Variants in MED20 observed in about 807,000 individuals in gnomAD.
MED20 encodes the protein mediator of RNA polymerase II transcription subunit 20.
A neutral mutation model predicts 19.7 loss-of-function variants in MED20; 19 were observed. The observed-to-expected ratio is 0.96, with a 90% CI of 0.67 to 1.42. The LOEUF (loss-of-function observed/expected upper bound fraction) is 1.42, where lower values mean the gene tolerates loss of function less well. MED20 is among the 40% of genes most tolerant of loss of function. The pLI, the probability that MED20 is intolerant of heterozygous loss-of-function variation, is 0.00. For synonymous variants in MED20, 105 were observed against 104.8 expected, an observed-to-expected ratio of 1.00 and a Z score of -0.01; for missense variants, 225 against 273.0, an observed-to-expected ratio of 0.82 and a Z score of 1.24.
chr6:41,920,792 A>AC (rs937322173), intron 1 of MED20: 37 of 518,348 alleles, frequency 7.1e-5, no homozygotes, highest in Middle Eastern at 1.0e-3. Context: ...ACAAAACAAA[A>AC]AAAAAACCTT....
chr6:41,907,890 A>C (rs1014090756), intron 3 of MED20, among the ~76,000 whole-genome samples: 1 of 152,208 alleles, frequency 6.6e-6, no homozygotes, highest in Non-Finnish European at 1.5e-5. Flanking sequence ...AAGGAGAAAT[A>C]AGTAAAGAAA....
chr6:41,907,692 C>T (rs1255998193), intron 3 of MED20, among the ~76,000 whole-genome samples: 2 of 152,082 alleles, frequency 1.3e-5, no homozygotes, highest in East Asian at 3.8e-4. Context: ...AGAGTGGACA[C>T]ATATGCTCAT....
intron 2 of MED20, among the ~76,000 whole-genome samples, chr6:41,916,250 C>CA (rs1775312140): frequency 7.1e-6 from 1 of 141,106 alleles, no homozygotes; most frequent in Non-Finnish European, 1.5e-5. Flanking sequence ...AACCCTATCT[C>CA]AAAAAAATAA....
intron 2 of MED20, among the ~76,000 whole-genome samples, chr6:41,912,199 CTTTTTTTTT>C (rs887419565): frequency 1.7e-5 from 2 of 119,294 alleles, no homozygotes; most frequent in East Asian, 2.3e-4. Flanking sequence ...CCATGCCCAC[CTTTTTTTTT>C]TTTTTTTTTT....
intron 3 of MED20, 187 bp downstream of exon 3, chr6:41,909,082 A>T: frequency 1.4e-6 from 1 of 726,264 alleles, no homozygotes; most frequent in South Asian, 2.0e-5. Context: ...ACTGAGGCGG[A>T]AGGATCACTT....
intron 1 of MED20, among the ~76,000 whole-genome samples, chr6:41,919,546 C>T (rs1032990224): frequency 3.3e-5 from 5 of 152,128 alleles, no homozygotes; most frequent in Non-Finnish European, 5.9e-5. Context: ...CCTAAACTGA[C>T]GCTACAAGTG....
intron 2 of MED20, among the ~76,000 whole-genome samples, chr6:41,910,684 T>C (rs1219751140): frequency 6.6e-6 from 1 of 151,724 alleles, no homozygotes; most frequent in African/African-American, 2.4e-5. Flanking sequence ...GATTCCTCTT[T>C]CATACGCTAC....
rs959105183 is a variant in MED20 at position 41,906,380 on chromosome 6, C to G, written c.*692G>C. 5 of 152,316 alleles carry G rather than the reference C, an allele frequency of 3.3e-5. No homozygotes were observed. Among genetic ancestry groups the G allele is most frequent in the South Asian group, 2.1e-4 (1 of 4,826 alleles). The allele number at this position is 152,316 out of a possible 1,614,324, so 9.4% of individuals were successfully genotyped here. On this transcript the variant is annotated 3_prime_UTR_variant, in exon 4 of 4. Transcript: ENST00000265350. Reference sequence around the variant, plus strand: ...ATAACCTTGTAGAGTTAAATCTGCCCTAGACCATCTGATTACCTCTCTATT... The same window carrying G: ...ATAACCTTGTAGAGTTAAATCTGCCGTAGACCATCTGATTACCTCTCTATT...
At chr6:41,915,971 G>A (rs369531950) in intron 2 of MED20, among the ~76,000 whole-genome samples, 6 of 152,102 alleles carry the variant, frequency 3.9e-5, no homozygotes, top group Admixed American at 3.3e-4. Context: ...CTTTAGCCAG[G>A]AGTGGTGGCT....
chr6:41,912,349 G>A lies in MED20; in HGVS notation c.170-2827C>T, dbSNP rs1335754920. ...GAGCCACTGCACTCAGCTGACCATAGTACTTTTTTTTTTTTTTTTTTTTTG... is the reference window on the plus strand; with the variant it reads ...GAGCCACTGCACTCAGCTGACCATAATACTTTTTTTTTTTTTTTTTTTTTG... On this transcript the variant is annotated intron_variant, in intron 2 of 3. Transcript: ENST00000265350. 1.4e-3 allele frequency among the ~76,000 whole-genome samples: 177 copies of A among 124,700 alleles called. 2 individuals carry two copies. Among genetic ancestry groups the A allele is most frequent in the African/African-American group, 4.1e-3 (130 of 31,750 alleles). The allele number at this position is 124,700 out of a possible 152,430, so 81.8% of individuals were successfully genotyped here. A position where few individuals can be genotyped will look rare whatever the true frequency, so the allele number is the denominator to read the frequency against.
chr6:41,912,352 CT>C (rs70987544), intron 2 of MED20, among the ~76,000 whole-genome samples: 35,490 of 87,584 alleles, frequency 0.41, 6,445 homozygotes, highest in African/African-American at 0.6. Context: ...GACCATAGTA[CT>C]TTTTTTTTTT....
In MED20 at chr6:41,909,537, G is replaced by T. The variant is rs1435952834; in HGVS notation, c.170-15C>A. The T allele has an allele frequency of 3.1e-6, 5 of 1,610,710 alleles. No individual in the cohort carries two copies. The highest frequency in any genetic ancestry group is 3.4e-6 in the Non-Finnish European group (4 of 1,177,146). On this transcript the variant is annotated splice_polypyrimidine_tract_variant and intron_variant, in intron 2 of 3. Coordinates refer to ENST00000265350, the MANE Select transcript of MED20 (RefSeq NM_004275.5). ...CCCGGTCTGACCTGCAAGGGACAGA[G>T]ATCCTATTCATCATCAAGACTTTCA...
intron 1 of MED20, among the ~76,000 whole-genome samples, chr6:41,919,054 G>A (rs1248490373): frequency 2.0e-5 from 3 of 150,158 alleles, no homozygotes; most frequent in African/African-American, 4.9e-5. Context: ...GCATGAACCC[G>A]GGAGGCGGAG....
At chr6:41,916,661 AAC>A in intron 2 of MED20, 122 bp downstream of exon 2, 2 of 1,216,060 alleles carry the variant, frequency 1.6e-6, no homozygotes, top group South Asian at 2.9e-5. Context: ...TGACGTCAAA[AAC>A]ACATCTCGCC....
chr6:41,915,362 C>T (rs1296139662), intron 2 of MED20, among the ~76,000 whole-genome samples: 3 of 152,164 alleles, frequency 2.0e-5, no homozygotes, highest in African/African-American at 7.2e-5. Flanking sequence ...GGCATGGTGG[C>T]ACATGCCTGT....
In MED20 at chr6:41,917,648, G is replaced by T. The variant is rs1436946971; in HGVS notation, c.15-709C>A. The T allele has an allele frequency of 7.2e-6, 3 of 414,476 alleles. No individual in the cohort carries two copies. In the East Asian group the frequency reaches 2.2e-4, roughly 30 times the overall value. The allele number at this position is 414,476 out of a possible 1,614,324, so 25.7% of individuals were successfully genotyped here. On this transcript the variant is annotated intron_variant, in intron 1 of 3. Transcript: ENST00000265350. Reference sequence around the variant, plus strand: ...ACTTCCTATCACAGGGCGTTCTCAAGTGTGGCATGCCAAAGATTCTAGATG... The same window carrying T: ...ACTTCCTATCACAGGGCGTTCTCAATTGTGGCATGCCAAAGATTCTAGATG...
chr6:41,917,113 T>A (rs993331849), intron 1 of MED20, among the ~76,000 whole-genome samples, 174 bp from the exon 2 acceptor site: 16 of 151,996 alleles, frequency 1.1e-4, no homozygotes, highest in Non-Finnish European at 2.9e-5. Flanking sequence ...TTAAAAAAAA[T>A]TTTTTTGGCC....
intron 2 of MED20, among the ~76,000 whole-genome samples, chr6:41,915,515 C>T (rs189969568): frequency 3.3e-5 from 5 of 150,400 alleles, no homozygotes; most frequent in African/African-American, 9.8e-5. Context: ...ACGCTGGGCG[C>T]GGTGGCTCAC....
chr6:41,920,972 AG>A, intron 1 of MED20, 32 bp downstream of exon 1: 1 of 1,604,324 alleles, frequency 6.2e-7, no homozygotes, highest in South Asian at 1.1e-5. Context: ...CACAACTCCA[AG>A]CCCCGCCCCA....
Sources: gnomAD v4.1 joint callset for allele counts (sites outside exome capture counted in the v4.1 genomes callset) on GRCh38, gnomAD v4.1.1 for gene constraint, MANE v1.5 for transcripts, NCBI Gene and HGNC (gene_info 2026-07-23, HGNC 2026-07-21) for gene names.